The following DDX60 variants were observed in gnomAD, a reference collection of about 807,000 sequenced individuals.
DDX60 encodes probable ATP-dependent RNA helicase DDX60.
DDX60 carries 165 observed loss-of-function variants against 212.8 expected under a neutral mutation model. The ratio of observed to expected loss-of-function variants is 0.78; its 90% CI spans 0.68 to 0.88. The LOEUF is 0.88. DDX60 is among the 40% of genes least tolerant of loss of function. The pLI, the probability that DDX60 is intolerant of heterozygous loss-of-function variation, is 0.00. For synonymous variants in DDX60, 703 were observed against 685.3 expected, an observed-to-expected ratio of 1.03 and a Z score of -0.40; for missense variants, 1,905 against 2,003.9, an observed-to-expected ratio of 0.95 and a Z score of 0.94.
Position 168,220,723 on chromosome 4 carries a change from G to T in DDX60, c.4977-6C>A. The stretch of plus-strand genomic sequence containing the variant: ...AAGCATCTCCTTCATTCATCCTAAA[G>T]AAAACAACATTTTGAAAATTAATAA... On this transcript the variant is annotated splice_polypyrimidine_tract_variant and splice_region_variant and intron_variant, in intron 36 of 37. Transcript: ENST00000393743. 7.2e-7 allele frequency: 1 copy of T among 1,391,036 alleles called. No homozygotes were observed. Among genetic ancestry groups the T allele is most frequent in the Non-Finnish European group, 9.5e-7 (1 of 1,056,316 alleles). The allele number at this position is 1,391,036 out of a possible 1,614,324, so 86.2% of individuals were successfully genotyped here.
chr4:168,271,947 C>T, intron 19 of DDX60, 96 bp downstream of exon 19: 1 of 981,692 alleles, frequency 1.0e-6, no homozygotes, highest in Non-Finnish European at 1.5e-6. Flanking sequence ...AATCTGAACT[C>T]CATCCAAGGG....
Position 168,283,530 on chromosome 4 carries a change from T to C in DDX60, c.1638A>G (p.Leu546=). The change falls in exon 13 of 38, where the codon TTA becomes TTG. Residue 546 remains leucine, a synonymous_variant. Coordinates refer to ENST00000393743, the MANE Select transcript of DDX60 (RefSeq NM_017631.6). The part of the protein sequence containing the change: ...HVFQRFYGNS[L]ETVSSKIIVT... Reference sequence around the variant, plus strand: ...CGATGATTTTCGAAGAGACTGTTTCTAATGAATTCCCATAAAACCGTTGGA... The same window carrying C: ...CGATGATTTTCGAAGAGACTGTTTCCAATGAATTCCCATAAAACCGTTGGA... 1 of 1,613,502 alleles carries C rather than the reference T, an allele frequency of 6.2e-7. No individual in the cohort carries two copies. The highest frequency in any genetic ancestry group is 8.5e-7 in the Non-Finnish European group (1 of 1,179,620).
rs1230793915 is a variant in DDX60, at chr4:168,293,124, C to T, written c.882+663G>A. 5.9e-5 allele frequency among the ~76,000 whole-genome samples: 9 copies of T among 152,028 alleles called. 1 individual carries two copies. Among genetic ancestry groups the T allele is most frequent in the Admixed American group, 3.9e-4 (6 of 15,264 alleles). ...AAGTGTGTGTGTGTATGTGTAAACA[C>T]GCACACCCATAAGCACATATACTTA... is the stretch of plus-strand genomic sequence containing the variant. On this transcript the variant is annotated intron_variant, in intron 7 of 37. Coordinates refer to ENST00000393743, the MANE Select transcript of DDX60 (RefSeq NM_017631.6).
intron 30 of DDX60, among the ~76,000 whole-genome samples, chr4:168,244,752 A>G (rs1397620573): frequency 5.3e-5 from 8 of 151,878 alleles, no homozygotes; most frequent in Admixed American, 3.3e-4. Context: ...AGAAAGAAAA[A>G]AAAAGAATTT....
At chr4:168,305,180 G>A (rs941705813) in intron 5 of DDX60, among the ~76,000 whole-genome samples, 1 of 152,150 alleles carries the variant, frequency 6.6e-6, no homozygotes, top group Non-Finnish European at 1.5e-5. Flanking sequence ...ATAGCCTAAG[G>A]GTGTCATAGG....
chr4:168,280,656 T>G (rs1277905482), intron 13 of DDX60, 66 bp from the exon 14 acceptor site: 1 of 1,500,982 alleles, frequency 6.7e-7, no homozygotes, highest in Non-Finnish European at 8.9e-7. Context: ...AGGTCATGAG[T>G]GAGACAATAT....
intron 8 of DDX60, among the ~76,000 whole-genome samples, chr4:168,288,543 G>C (rs1036355936): frequency 1.3e-5 from 2 of 152,126 alleles, no homozygotes; most frequent in Admixed American, 1.3e-4. Context: ...TCTTTATCCC[G>C]AATCAAGGAA....
At position 168,256,128 on chromosome 4, in the gene DDX60, C is replaced by A. The variant is rs567273590; in HGVS notation, c.3399-259G>T. Among the ~76,000 whole-genome samples the A allele has an allele frequency of 3.3e-5, 4 of 120,140 alleles. No individual in the cohort carries two copies. In the East Asian group the frequency reaches 1.2e-3, roughly 36 times the overall value. 78.8% of individuals were successfully genotyped at this position (120,140 alleles called of 152,430 possible). A position where few individuals can be genotyped will look rare whatever the true frequency, so the allele number is the denominator to read the frequency against. On this transcript the variant is annotated intron_variant, in intron 25 of 37. Transcript: ENST00000393743. ...ACCCCACCCCGCCACCCAGACATTA[C>A]CCCTGGGACAATGCAATCAGAACTC...
intron 14 of DDX60, 22 bp from the exon 15 acceptor site, chr4:168,276,203 A>G: frequency 6.4e-7 from 1 of 1,557,018 alleles, no homozygotes; most frequent in South Asian, 1.2e-5. Flanking sequence ...ATAAACAATA[A>G]AATTGTTATA....
the DDX60 span, among the ~76,000 whole-genome samples, chr4:168,325,646 T>G: frequency 6.6e-6 from 1 of 152,232 alleles, no homozygotes; most frequent in Admixed American, 6.5e-5. Flanking sequence ...CCACAGGCTT[T>G]TTCAACACCA....
chr4:168,264,528 A>C (rs1660695772), intron 22 of DDX60, among the ~76,000 whole-genome samples: 1 of 132,508 alleles, frequency 7.5e-6, no homozygotes, highest in Admixed American at 7.4e-5. Flanking sequence ...TAAAATATAA[A>C]TCTTCTGTTT....
chr4:168,243,424 C>A (rs1301738936), intron 30 of DDX60, among the ~76,000 whole-genome samples: 1 of 151,904 alleles, frequency 6.6e-6, no homozygotes, highest in Non-Finnish European at 1.5e-5. Flanking sequence ...AAAAAACAAA[C>A]AACCCATTAA....
Position 168,237,740 on chromosome 4 carries a change from T to C in DDX60, c.4220A>G (p.Asp1407Gly). The C allele has an allele frequency of 6.2e-7, 1 of 1,612,074 alleles. No homozygotes were observed. Among genetic ancestry groups the C allele is most frequent in the Non-Finnish European group, 8.5e-7 (1 of 1,178,976 alleles). Reference sequence around the variant, plus strand: ...AAACAGGAAGTAAAGTTTTAACATGTCCATGACTCTGGGTTGCTTGAAGGA... The same window carrying C: ...AAACAGGAAGTAAAGTTTTAACATGCCCATGACTCTGGGTTGCTTGAAGGA... ...LLSFKQPRVM[D>G]MLKLYFLFSL... The change falls in exon 31 of 38, where the codon GAC becomes GGC. Residue 1407 changes from aspartate to glycine, a missense_variant. Transcript: ENST00000393743.
At chr4:168,280,749 T>G (rs531126538) in intron 13 of DDX60, among the ~76,000 whole-genome samples, 159 bp from the exon 14 acceptor site, 1 of 152,356 alleles carries the variant, frequency 6.6e-6, no homozygotes, top group East Asian at 1.9e-4. Context: ...AAATTAAGCC[T>G]CTGTTAATTT....
intron 16 of DDX60, among the ~76,000 whole-genome samples, chr4:168,274,506 T>C: frequency 6.6e-6 from 1 of 152,186 alleles, no homozygotes; most frequent in Non-Finnish European, 1.5e-5. Context: ...GAGAGCTCCA[T>C]CCCTTCAGCC....
intron 37 of DDX60, among the ~76,000 whole-genome samples, chr4:168,217,493 G>A (rs1732889051): frequency 6.6e-6 from 1 of 152,132 alleles, no homozygotes; most frequent in Non-Finnish European, 1.5e-5. Context: ...GATATGGTAA[G>A]CAGAATAATG....
In DDX60 at chr4:168,226,151, T is replaced by C. The variant is rs528616936; in HGVS notation, c.4534-475A>G. On this transcript the variant is annotated intron_variant, in intron 33 of 37. Coordinates refer to ENST00000393743, the MANE Select transcript of DDX60 (RefSeq NM_017631.6). Reference sequence around the variant, plus strand: ...TACATTCATGAAAGAGAAGTATCTCTAATTTTCCTTTTCATTATGTTCTAG... The same window carrying C: ...TACATTCATGAAAGAGAAGTATCTCCAATTTTCCTTTTCATTATGTTCTAG... Among the ~76,000 whole-genome samples the C allele has an allele frequency of 1.8e-4, 28 of 152,294 alleles. 1 individual carries two copies. The South Asian group carries it at 5.4e-3, about 29-fold the overall frequency.
chr4:168,245,658 T>A (rs902436326), intron 30 of DDX60, among the ~76,000 whole-genome samples: 22 of 152,266 alleles, frequency 1.4e-4, no homozygotes, highest in Admixed American at 2.0e-4. Context: ...GAAAACAGTA[T>A]CTGATTTAAC....
upstream of DDX60, among the ~76,000 whole-genome samples, chr4:168,321,959 G>A (rs527379558): frequency 7.2e-5 from 11 of 152,210 alleles, no homozygotes; most frequent in Middle Eastern, 0.01. Flanking sequence ...TGTCATGCCC[G>A]ATTTCAGCCC....
Sources: allele counts gnomAD v4.1 joint callset (sites outside exome capture counted in the v4.1 genomes callset), GRCh38; gene constraint gnomAD v4.1.1; transcripts MANE v1.5; gene names NCBI Gene and HGNC (gene_info 2026-07-23, HGNC 2026-07-21).